Variants in MFSD8 observed in about 807,000 individuals in gnomAD.
The protein encoded by MFSD8 is major facilitator superfamily domain-containing protein 8.
Under a neutral mutation model 66.4 loss-of-function variants are expected in MFSD8, and 55 were observed. That is an observed-to-expected ratio of 0.83 (90% confidence interval 0.67 to 1.04). The LOEUF (loss-of-function observed/expected upper bound fraction) is 1.04, where lower values mean the gene tolerates loss of function less well. MFSD8 is among the 50% of genes least tolerant of loss of function. The pLI is 0.00. For synonymous variants in MFSD8, 202 were observed against 212.8 expected (o/e 0.95, Z 0.44); for missense variants, 550 against 627.6 (o/e 0.88, Z 1.32).
intron 9 of MFSD8, among the ~76,000 whole-genome samples, chr4:127,923,552 TTTA>T (rs200387529): frequency 0.17 from 22,501 of 130,248 alleles, 2,033 homozygotes; most frequent in East Asian, 0.32. Context: ...TTTATTTTTA[TTTA>T]TTATTATTAT....
At chr4:127,957,712 T>G (rs1400788055) in intron 1 of MFSD8, 120 bp from the exon 2 acceptor site, 1 of 696,154 alleles carries the variant, frequency 1.4e-6, no homozygotes, top group Non-Finnish European at 2.5e-6. Flanking sequence ...TTACCAATAT[T>G]GATTCTGCTA....
At position 127,920,402 on chromosome 4, in the gene MFSD8, T is replaced by A; in HGVS notation, c.*228A>T. 5.4e-6 allele frequency: 3 copies of A among 556,300 alleles called. No homozygotes were observed. In the South Asian group the frequency reaches 6.1e-5, roughly 11 times the overall value. 34.5% of individuals were successfully genotyped at this position (556,300 alleles called of 1,614,324 possible). ...CCACAAAAAGGTATTATAAGAATAA[T>A]ATTTCATTTCTGAGGTAAGGAAATT... is the stretch of plus-strand genomic sequence containing the variant. On this transcript the variant is annotated 3_prime_UTR_variant, in exon 12 of 12. Coordinates refer to ENST00000641686, the MANE Select transcript of MFSD8 (RefSeq NM_001371596.2).
intron 5 of MFSD8, 41 bp downstream of exon 5, chr4:127,942,004 C>T (rs1740270851): frequency 6.7e-7 from 1 of 1,489,472 alleles, no homozygotes; most frequent in Non-Finnish European, 9.4e-7. Context: ...CAAAAGTTTT[C>T]CCAATTCAAA....
chr4:127,961,357 C>G (rs1743706612), intron 1 of MFSD8, among the ~76,000 whole-genome samples: 1 of 152,052 alleles, frequency 6.6e-6, no homozygotes, highest in South Asian at 2.1e-4. Flanking sequence ...TAAATCTGGA[C>G]AGATCCTAAT....
At chr4:127,933,865 G>T (rs969635350) in intron 7 of MFSD8, among the ~76,000 whole-genome samples, 1 of 152,130 alleles carries the variant, frequency 6.6e-6, no homozygotes, top group African/African-American at 2.4e-5. Context: ...TTACTACAAT[G>T]GATATATATT....
chr4:127,965,284 G>A (rs558326207), upstream of MFSD8: 104 of 954,056 alleles, frequency 1.1e-4, no homozygotes, highest in South Asian at 1.4e-3. Context: ...GGTCATAGGC[G>A]GGGTCACGCG....
At chr4:127,965,461 G>T, upstream of MFSD8, 1 of 475,480 alleles carries the variant, frequency 2.1e-6, no homozygotes, top group Non-Finnish European at 3.9e-6. Flanking sequence ...TTCTCCTTCC[G>T]CTGTATCTAG....
At chr4:127,932,311 A>G (rs1738274933) in intron 8 of MFSD8, 1 of 152,190 alleles carries the variant, frequency 6.6e-6, no homozygotes, top group South Asian at 2.1e-4. Flanking sequence ...CAAGTTGTCA[A>G]ATGATAATAT....
chr4:127,933,057 A>G lies in MFSD8; in HGVS notation c.791T>C (p.Ile264Thr). ...TDEAQVPQGN[I>T]DQVAVVAINV... Reference sequence around the variant, plus strand: ...GATGGCCACAACAGCAACCTGGTCAATATTTCCTTGGGGAACCTGAGCTTC... The same window carrying G: ...GATGGCCACAACAGCAACCTGGTCAGTATTTCCTTGGGGAACCTGAGCTTC... Residue 264 changes from isoleucine to threonine, a missense_variant, in exon 8 of 12, where the codon ATT becomes ACT. Coordinates refer to ENST00000641686, the MANE Select transcript of MFSD8 (RefSeq NM_001371596.2). The G allele has an allele frequency of 6.2e-7, 1 of 1,613,890 alleles. No individual in the cohort carries two copies. Among genetic ancestry groups the G allele is most frequent in the Non-Finnish European group, 8.5e-7 (1 of 1,179,880 alleles).
upstream of MFSD8, chr4:127,965,244 TGACGGTCA>T (rs1744880412): frequency 7.2e-7 from 1 of 1,380,984 alleles, no homozygotes. Context: ...CGTGCGCACC[TGACGGTCA>T]GACGTAGGCG....
At chr4:127,955,936 G>A (rs1027656250) in intron 2 of MFSD8, among the ~76,000 whole-genome samples, 7 of 151,548 alleles carry the variant, frequency 4.6e-5, no homozygotes, top group African/African-American at 1.5e-4. Flanking sequence ...GGCTAACGCC[G>A]TGAAACCCCA....
chr4:127,933,271 G>C, intron 7 of MFSD8, 178 bp from the exon 8 acceptor site: 1 of 511,640 alleles, frequency 2.0e-6, no homozygotes, highest in East Asian at 3.6e-5. Flanking sequence ...TTGAGACAGG[G>C]TCTCACTCTG....
In MFSD8 at chr4:127,921,567, A is replaced by G. The variant is rs1405931975; in HGVS notation, c.1307T>C (p.Met436Thr). ...AATTTTTGAATATAGAGTATAGGAC[A>G]TAAGATTGCAGACTGGATAGCCTAA... ...IGLGYPVCNL[M>T]SYTLYSKILG... Residue 436 changes from methionine to threonine, a missense_variant, in exon 11 of 12, where the codon ATG becomes ACG. Met to Thr is a moderately conservative substitution (Grantham distance 81). Transcript: ENST00000641686. 6 of 1,614,114 alleles carry G rather than the reference A, an allele frequency of 3.7e-6. No individual in the cohort carries two copies. Among genetic ancestry groups the G allele is most frequent in the Non-Finnish European group, 5.1e-6 (6 of 1,180,046 alleles).
rs1014025587 is a variant in MFSD8 at position 127,919,835 on chromosome 4, G to A, written c.*795C>T. On this transcript the variant is annotated 3_prime_UTR_variant, in exon 12 of 12. Coordinates refer to ENST00000641686, the MANE Select transcript of MFSD8 (RefSeq NM_001371596.2). ...ATTTTAAGAAACCATTTACTGTTTT[G>A]TATATATATATATAAAATAACACAT... 1.3e-5 allele frequency: 2 copies of A among 151,256 alleles called. No homozygotes were observed. Among genetic ancestry groups the A allele is most frequent in the Non-Finnish European group, 2.9e-5 (2 of 67,802 alleles). The allele number at this position is 151,256 out of a possible 1,614,324, so 9.4% of individuals were successfully genotyped here. A position where few individuals can be genotyped will look rare whatever the true frequency, so the allele number is the denominator to read the frequency against.
intron 9 of MFSD8, among the ~76,000 whole-genome samples, chr4:127,924,792 T>C (rs191228033): frequency 6.6e-6 from 1 of 152,142 alleles, no homozygotes; most frequent in African/African-American, 2.4e-5. Context: ...AAGACAATCC[T>C]AAGCAAAAAG....
At chr4:127,948,108 G>A (rs1354205455) in intron 3 of MFSD8, among the ~76,000 whole-genome samples, 6 of 152,072 alleles carry the variant, frequency 3.9e-5, no homozygotes, top group African/African-American at 1.4e-4. Flanking sequence ...TTAAAATATT[G>A]AAAGGTAGGA....
chr4:127,932,813 T>C, intron 8 of MFSD8, 172 bp downstream of exon 8: 1 of 550,500 alleles, frequency 1.8e-6, no homozygotes, highest in Non-Finnish European at 3.3e-6. Context: ...GACAAATAAT[T>C]AACTACATTC....
chr4:127,949,184 A>G (rs1741543070), intron 3 of MFSD8, among the ~76,000 whole-genome samples: 1 of 152,232 alleles, frequency 6.6e-6, no homozygotes, highest in African/African-American at 2.4e-5. Context: ...TTACTAAAAC[A>G]TTGTTATAGA....
At chr4:127,923,637 T>G (rs1344286819) in intron 9 of MFSD8, among the ~76,000 whole-genome samples, 1 of 150,524 alleles carries the variant, frequency 6.6e-6, no homozygotes, top group African/African-American at 2.4e-5. Flanking sequence ...TGGTATGCAG[T>G]GGCGTGAACT....
Sources: allele counts gnomAD v4.1 joint callset (sites outside exome capture counted in the v4.1 genomes callset), GRCh38; gene constraint gnomAD v4.1.1; transcripts MANE v1.5; gene names NCBI Gene and HGNC (gene_info 2026-07-23, HGNC 2026-07-21).